JPH1: variants seen among roughly 807,000 people sequenced by gnomAD.
The protein encoded by JPH1 is junctophilin 1, also known as junctophilin-1.
JPH1 carries 12 observed loss-of-function variants against 53.6 expected under a neutral mutation model. That is an observed-to-expected ratio of 0.22 (90% confidence interval 0.14 to 0.36). The LOEUF is 0.36. JPH1 is among the 10% of genes least tolerant of loss of function. The pLI is 1.00. For missense variants in JPH1, 808 were observed against 905.5 expected, an observed-to-expected ratio of 0.89 and a Z score of 1.38; for synonymous variants, 375 against 363.8, an observed-to-expected ratio of 1.03 and a Z score of -0.35.
In JPH1 at chr8:74,320,819, C is replaced by A. The variant is rs1808296391; in HGVS notation, c.379+90G>T. ...GTTTTGGCGGGTTTCCGGACACGTG[C>A]GCCCGGCGTCCTCCCCGCTTCCCCG... On this transcript the variant is annotated intron_variant, in intron 1 of 5. Coordinates refer to ENST00000342232, the MANE Select transcript of JPH1 (RefSeq NM_020647.4). The surrounding 1 kb of genome is among the most constrained non-coding windows in gnomAD (Gnocchi z 4.4). The A allele has an allele frequency of 1.5e-6, 2 of 1,364,014 alleles. No homozygotes were observed. The highest frequency in any genetic ancestry group is 2.5e-4 in the Middle Eastern group (1 of 3,948). The allele number at this position is 1,364,014 out of a possible 1,614,324, so 84.5% of individuals were successfully genotyped here.
intron 2 of JPH1, among the ~76,000 whole-genome samples, chr8:74,266,277 C>G (rs948344199): frequency 1.3e-5 from 2 of 151,950 alleles, no homozygotes; most frequent in Admixed American, 6.6e-5. Context: ...TACTCTTTAT[C>G]AGAGAGATGA....
At chr8:74,281,139 T>C (rs1807006142) in intron 2 of JPH1, among the ~76,000 whole-genome samples, 1 of 152,258 alleles carries the variant, frequency 6.6e-6, no homozygotes, top group Non-Finnish European at 1.5e-5. Flanking sequence ...CTGGTTCTTG[T>C]GTTTAAGTCT....
chr8:74,242,762 G>A (rs1805733806), intron 4 of JPH1, among the ~76,000 whole-genome samples: 1 of 152,186 alleles, frequency 6.6e-6, no homozygotes, highest in Non-Finnish European at 1.5e-5. Flanking sequence ...GAGCTGCTGG[G>A]GCTTCCCTTC....
intron 2 of JPH1, among the ~76,000 whole-genome samples, chr8:74,288,907 ATAT>A (rs1234406407): frequency 6.6e-6 from 1 of 152,254 alleles, no homozygotes; most frequent in African/African-American, 2.4e-5. Context: ...AAGCTTGTAG[ATAT>A]TTTAAGTATG....
intron 4 of JPH1, among the ~76,000 whole-genome samples, chr8:74,243,807 T>C (rs1431968711): frequency 6.6e-6 from 1 of 152,218 alleles, no homozygotes; most frequent in Non-Finnish European, 1.5e-5. Context: ...GATTTTTCAA[T>C]AACACAGAGC....
chr8:74,276,202 A>G (rs2131413183), intron 2 of JPH1, among the ~76,000 whole-genome samples: 1 of 152,274 alleles, frequency 6.6e-6, no homozygotes, highest in African/African-American at 2.4e-5. Flanking sequence ...GGGAGCTGGA[A>G]AAAAGGGGCA....
At chr8:74,311,065 A>G (rs772435790) in intron 2 of JPH1, among the ~76,000 whole-genome samples, 16 of 152,208 alleles carry the variant, frequency 1.1e-4, no homozygotes, top group Non-Finnish European at 1.5e-4. Flanking sequence ...AGCTGGGACT[A>G]CAGGCGTATG....
chr8:74,245,917 A>AG, intron 3 of JPH1, among the ~76,000 whole-genome samples: 1 of 120,632 alleles, frequency 8.3e-6, no homozygotes, highest in South Asian at 2.5e-4. Context: ...GAAAAAATGA[A>AG]AAAAAAAAAA....
At chr8:74,299,775 C>T (rs977528255) in intron 2 of JPH1, among the ~76,000 whole-genome samples, 3 of 152,090 alleles carry the variant, frequency 2.0e-5, no homozygotes, top group South Asian at 2.1e-4. Context: ...TGGTGTATGC[C>T]TTCTATTTCC....
At chr8:74,309,882 G>A (rs905692807) in intron 2 of JPH1, among the ~76,000 whole-genome samples, 3 of 152,258 alleles carry the variant, frequency 2.0e-5, no homozygotes, top group African/African-American at 7.2e-5. Flanking sequence ...ATCTGAAATT[G>A]GGGACTTTCT....
intron 4 of JPH1, 37 bp downstream of exon 4, chr8:74,244,492 G>C: frequency 6.4e-7 from 1 of 1,551,074 alleles, no homozygotes; most frequent in Non-Finnish European, 8.7e-7. Flanking sequence ...GAAACAAAGG[G>C]AAGAAAGAAA....
intron 3 of JPH1, among the ~76,000 whole-genome samples, chr8:74,246,825 G>C (rs1310958835): frequency 2.0e-5 from 3 of 152,176 alleles, no homozygotes; most frequent in Non-Finnish European, 4.4e-5. Context: ...GGACAATTGA[G>C]ACTTCCTTTC....
At position 74,274,408 on chromosome 8, in the gene JPH1, G is replaced by A. The variant is rs114043288; in HGVS notation, c.1140-14905C>T. On this transcript the variant is annotated intron_variant, in intron 2 of 5. Transcript: ENST00000342232. Reference sequence around the variant, plus strand: ...AGACCAATTTCCAGATATAAATTTTGTAAGGTATAATACATTTACTGAGAG... The same window carrying A: ...AGACCAATTTCCAGATATAAATTTTATAAGGTATAATACATTTACTGAGAG... 1.8e-3 allele frequency among the ~76,000 whole-genome samples: 279 copies of A among 152,326 alleles called. 1 individual carries two copies. The highest frequency in any genetic ancestry group is 6.3e-3 in the African/African-American group (260 of 41,568).
chr8:74,271,736 A>G (rs1041640896), intron 2 of JPH1, among the ~76,000 whole-genome samples: 1 of 152,206 alleles, frequency 6.6e-6, no homozygotes, highest in Admixed American at 6.5e-5. Flanking sequence ...TGAAGAAAAC[A>G]GGGGCACAGA....
At chr8:74,261,699 T>C (rs1460832836) in intron 2 of JPH1, among the ~76,000 whole-genome samples, 7 of 152,182 alleles carry the variant, frequency 4.6e-5, no homozygotes. Context: ...CTAAACTTTT[T>C]TCCCCCAAAT....
At chr8:74,288,675 G>A (rs116661319) in intron 2 of JPH1, among the ~76,000 whole-genome samples, 63 of 152,314 alleles carry the variant, frequency 4.1e-4, no homozygotes, top group African/African-American at 1.4e-3. Flanking sequence ...TAAGCCCATG[G>A]ACAATTTCTC....
chr8:74,264,948 A>T (rs1169592750), intron 2 of JPH1, among the ~76,000 whole-genome samples: 1 of 152,168 alleles, frequency 6.6e-6, no homozygotes, highest in Non-Finnish European at 1.5e-5. Flanking sequence ...GAACTACGGG[A>T]TCGATTGTTT....
chr8:74,289,076 C>A (rs1013253356), intron 2 of JPH1, among the ~76,000 whole-genome samples: 1 of 152,152 alleles, frequency 6.6e-6, no homozygotes, highest in African/African-American at 2.4e-5. Context: ...CTGAAAGATA[C>A]AAGCAAACTA....
intron 2 of JPH1, among the ~76,000 whole-genome samples, 194 bp downstream of exon 2, chr8:74,314,667 A>G (rs1347198099): frequency 6.6e-6 from 1 of 152,216 alleles, no homozygotes; most frequent in East Asian, 1.9e-4. Context: ...ACATTTTTTG[A>G]TGATGGGAAG....
Sources: gnomAD v4.1 joint callset for allele counts (sites outside exome capture counted in the v4.1 genomes callset) on GRCh38, gnomAD v4.1.1 for gene constraint, Gnocchi (gnomAD v3.1) non-coding constraint, MANE v1.5 for transcripts, NCBI Gene and HGNC (gene_info 2026-07-23, HGNC 2026-07-21) for gene names.